ZFPM2: variants seen among roughly 807,000 people sequenced by gnomAD.
The protein encoded by ZFPM2 is zinc finger protein, FOG family member 2.
Under a neutral mutation model 98.6 loss-of-function variants are expected in ZFPM2, and 20 were observed. That is an observed-to-expected ratio of 0.20 (90% CI 0.14 to 0.29). ZFPM2 has a LOEUF of 0.29. Among genes scored for constraint, ZFPM2 ranks in the 10% least tolerant of loss-of-function variants. ZFPM2 has a pLI of 1.00. For synonymous variants in ZFPM2, 518 were observed against 502.7 expected (o/e 1.03, Z -0.41); for missense variants, 1,310 against 1,388.6 (o/e 0.94, Z 0.90).
intron 4 of ZFPM2, among the ~76,000 whole-genome samples, chr8:105,567,842 T>A (rs985428594): frequency 1.3e-5 from 2 of 152,084 alleles, no homozygotes; most frequent in African/African-American, 4.8e-5. Context: ...ACTCCACCCA[T>A]ATTCTCCATC....
At chr8:105,467,033 G>C (rs927486950) in intron 3 of ZFPM2, among the ~76,000 whole-genome samples, 3 of 151,898 alleles carry the variant, frequency 2.0e-5, no homozygotes, top group Non-Finnish European at 4.4e-5. Context: ...TGTATCTCTT[G>C]TGAGCATTAA....
At chr8:105,570,320 AT>A (rs35050504) in intron 4 of ZFPM2, among the ~76,000 whole-genome samples, 64 of 148,730 alleles carry the variant, frequency 4.3e-4, no homozygotes, top group South Asian at 6.4e-4. Context: ...ATTTTTATTT[AT>A]TTTTTTTTTG....
rs189079114 is a variant in ZFPM2 at position 105,650,087 on chromosome 8, C to T, written c.532+15730C>T. Among the ~76,000 whole-genome samples, 250 of 152,174 alleles carry T rather than the reference C, an allele frequency of 1.6e-3. 1 individual carries two copies. Among genetic ancestry groups the T allele is most frequent in the East Asian group, 7.7e-4 (4 of 5,168 alleles). ...TGTCTATTCAGGGATTCAACTTCTC[C>T]GAAGACTAAAGTCTTGGGAGGGTCT... On this transcript the variant is annotated intron_variant, in intron 5 of 7. Coordinates refer to ENST00000407775, the MANE Select transcript of ZFPM2 (RefSeq NM_012082.4).
intron 3 of ZFPM2, among the ~76,000 whole-genome samples, chr8:105,486,644 G>A (rs997740741): frequency 8.5e-5 from 13 of 152,134 alleles, no homozygotes; most frequent in African/African-American, 2.7e-4. Context: ...CATCATATAA[G>A]AAATGATTTT....
At chr8:105,727,373 C>A (rs989286426) in intron 5 of ZFPM2, among the ~76,000 whole-genome samples, 7 of 151,480 alleles carry the variant, frequency 4.6e-5, no homozygotes, top group African/African-American at 1.5e-4. Context: ...TAAATAAATA[C>A]ATAAATACAT....
intron 1 of ZFPM2, among the ~76,000 whole-genome samples, chr8:105,355,111 T>C (rs1294016979): frequency 6.6e-6 from 1 of 152,218 alleles, no homozygotes; most frequent in Admixed American, 6.5e-5. Context: ...ACGGAAAATA[T>C]GAACAATTCA....
chr8:105,680,803 T>C (rs1326119778), intron 5 of ZFPM2, among the ~76,000 whole-genome samples: 1 of 152,170 alleles, frequency 6.6e-6, no homozygotes, highest in Non-Finnish European at 1.5e-5. Flanking sequence ...TCTAAAATGC[T>C]TCATGAAACC....
intron 1 of ZFPM2, among the ~76,000 whole-genome samples, chr8:105,328,087 C>T (rs1812147692): frequency 6.6e-6 from 1 of 151,726 alleles, no homozygotes; most frequent in African/African-American, 2.4e-5. Context: ...CATTTTCATC[C>T]ATGTCCAATA....
At chr8:105,667,755 A>G (rs992729737) in intron 5 of ZFPM2, among the ~76,000 whole-genome samples, 1 of 152,238 alleles carries the variant, frequency 6.6e-6, no homozygotes, top group Non-Finnish European at 1.5e-5. Flanking sequence ...CAAATATAAT[A>G]CAGTGCCAAT....
chr8:105,792,718 C>CT (rs932365255), intron 6 of ZFPM2, among the ~76,000 whole-genome samples: 2 of 152,184 alleles, frequency 1.3e-5, no homozygotes, highest in Non-Finnish European at 2.9e-5. Flanking sequence ...GTGTGGGAGT[C>CT]TAAGTCTCTT....
intron 4 of ZFPM2, among the ~76,000 whole-genome samples, chr8:105,601,755 C>T (rs867150216): frequency 1.3e-5 from 2 of 152,020 alleles, no homozygotes; most frequent in South Asian, 4.2e-4. Flanking sequence ...GAGACCTGGG[C>T]CACTCTATTT....
At chr8:105,618,388 A>G (rs890427891) in intron 4 of ZFPM2, among the ~76,000 whole-genome samples, 2 of 152,170 alleles carry the variant, frequency 1.3e-5, no homozygotes, top group African/African-American at 2.4e-5. Context: ...TCTTTCCAAA[A>G]TGGGCATAAT....
chr8:105,666,009 TG>T (rs901767685), intron 5 of ZFPM2, among the ~76,000 whole-genome samples: 4 of 152,306 alleles, frequency 2.6e-5, no homozygotes, highest in Admixed American at 2.0e-4. Context: ...TTAAGTGAAT[TG>T]TATTAATTGT....
intron 3 of ZFPM2, among the ~76,000 whole-genome samples, chr8:105,478,272 A>G (rs1335800578): frequency 2.0e-5 from 3 of 152,208 alleles, no homozygotes; most frequent in Non-Finnish European, 4.4e-5. Flanking sequence ...TACTAACATC[A>G]ACATGGGTTA....
At chr8:105,514,971 G>A (rs745944532) in intron 3 of ZFPM2, among the ~76,000 whole-genome samples, 2 of 152,104 alleles carry the variant, frequency 1.3e-5, no homozygotes, top group Non-Finnish European at 2.9e-5. Context: ...AGCAATTAAG[G>A]CTGTGAATTA....
Position 105,424,210 on chromosome 8 carries a change from A to G in ZFPM2, c.199+4908A>G, listed in dbSNP as rs530438452. Among the ~76,000 whole-genome samples the G allele has an allele frequency of 1.6e-4, 25 of 152,354 alleles. 1 individual carries two copies. In the East Asian group the frequency reaches 4.0e-3, roughly 25 times the overall value. On this transcript the variant is annotated intron_variant, in intron 2 of 7. Transcript: ENST00000407775. Reference sequence around the variant, plus strand: ...GTAAGTCAACTTTGAATTATCTACAATGATTATCTAGAAAAGTTAAAAAGC... The same window carrying G: ...GTAAGTCAACTTTGAATTATCTACAGTGATTATCTAGAAAAGTTAAAAAGC...
chr8:105,345,983 A>G (rs1047035851), intron 1 of ZFPM2, among the ~76,000 whole-genome samples: 5 of 152,190 alleles, frequency 3.3e-5, no homozygotes, highest in Non-Finnish European at 5.9e-5. Flanking sequence ...ATGCAAATAC[A>G]ATGTATCTGA....
intron 2 of ZFPM2, among the ~76,000 whole-genome samples, chr8:105,439,377 G>T (rs1205773243): frequency 6.6e-6 from 1 of 152,140 alleles, no homozygotes; most frequent in Non-Finnish European, 1.5e-5. Flanking sequence ...GGATGTTTTG[G>T]AAAGAATGCC....
intron 4 of ZFPM2, among the ~76,000 whole-genome samples, chr8:105,582,333 G>C (rs1815618935): frequency 6.6e-6 from 1 of 152,112 alleles, no homozygotes; most frequent in South Asian, 2.1e-4. Flanking sequence ...CTCTTAACTA[G>C]GGCCAGTTTT....
Sources: gnomAD v4.1 joint callset for allele counts (sites outside exome capture counted in the v4.1 genomes callset) on GRCh38, gnomAD v4.1.1 for gene constraint, MANE v1.5 for transcripts, NCBI Gene and HGNC (gene_info 2026-07-23, HGNC 2026-07-21) for gene names.